Variants in DPP10 observed in about 807,000 individuals in gnomAD.
DPP10 encodes inactive dipeptidyl peptidase 10.
Under a neutral mutation model 120.9 loss-of-function variants are expected in DPP10, and 33 were observed. The observed-to-expected ratio is 0.27, with a 90% CI of 0.21 to 0.37. The LOEUF (loss-of-function observed/expected upper bound fraction) is 0.37. Ranked by LOEUF, DPP10 falls within the 10% of genes least tolerant of loss-of-function variation. DPP10 has a pLI of 1.00. For missense variants in DPP10, 816 were observed against 942.8 expected, an observed-to-expected ratio of 0.87 and a Z score of 1.76; for synonymous variants, 337 against 326.1, an observed-to-expected ratio of 1.03 and a Z score of -0.36.
rs11392457 is a variant in DPP10, at chr2:115,537,563, G to GTTT, written c.441+11606_441+11608dup. 8.6e-4 allele frequency among the ~76,000 whole-genome samples: 111 copies of GTTT among 128,540 alleles called. 2 individuals are homozygous for GTTT. Among genetic ancestry groups the GTTT allele is most frequent in the African/African-American group, 1.3e-3 (45 of 34,216 alleles). The allele number at this position is 128,540 out of a possible 152,430, so 84.3% of individuals were successfully genotyped here. On this transcript the variant is annotated intron_variant, in intron 5 of 25. Coordinates refer to ENST00000410059, the MANE Select transcript of DPP10 (RefSeq NM_020868.6). ...CTGACTTTACTTGAGACACATCACT[G>GTTT]TTTTTTTTTTTTTTTTTCTCATGGA...
intron 5 of DPP10, among the ~76,000 whole-genome samples, chr2:115,670,983 G>C (rs11676361): frequency 6.6e-6 from 1 of 151,982 alleles, no homozygotes; most frequent in Non-Finnish European, 1.5e-5. Flanking sequence ...GAGAAATAAA[G>C]AATATTCCTG....
At chr2:115,024,417 C>A (rs1268057535) in intron 1 of DPP10, among the ~76,000 whole-genome samples, 1 of 151,684 alleles carries the variant, frequency 6.6e-6, no homozygotes, top group Non-Finnish European at 1.5e-5. Flanking sequence ...TTAATGATTC[C>A]AATTTATCTC....
At chr2:115,144,697 G>A (rs1261286991) in intron 1 of DPP10, among the ~76,000 whole-genome samples, 1 of 149,340 alleles carries the variant, frequency 6.7e-6, no homozygotes, top group Non-Finnish European at 1.5e-5. Context: ...GATAGCATTA[G>A]GAGATATACC....
At chr2:115,814,588 C>A (rs1687015590) in intron 19 of DPP10, 1 of 380,232 alleles carries the variant, frequency 2.6e-6, no homozygotes, top group Non-Finnish European at 4.6e-6. Flanking sequence ...ATTCAGGGAA[C>A]TTTTCAATTA....
At chr2:115,329,454 T>G (rs1032605886) in intron 2 of DPP10, among the ~76,000 whole-genome samples, 1 of 152,066 alleles carries the variant, frequency 6.6e-6, no homozygotes. Context: ...ATTTTTTATT[T>G]TATTTAAGTT....
intron 1 of DPP10, among the ~76,000 whole-genome samples, chr2:115,246,611 C>T (rs1473592028): frequency 6.6e-6 from 1 of 152,006 alleles, no homozygotes. Flanking sequence ...AACAGATGAG[C>T]AGTGTGTCAA....
At chr2:115,304,422 C>G (rs1456490391) in intron 1 of DPP10, among the ~76,000 whole-genome samples, 1 of 151,926 alleles carries the variant, frequency 6.6e-6, no homozygotes, top group Non-Finnish European at 1.5e-5. Flanking sequence ...TCTTTTCACA[C>G]GGAAATACAG....
chr2:115,388,350 G>T (rs2067097135), intron 3 of DPP10, among the ~76,000 whole-genome samples: 1 of 152,296 alleles, frequency 6.6e-6, no homozygotes, highest in South Asian at 2.1e-4. Context: ...CTTAAATATA[G>T]GAGAATTAGA....
chr2:115,204,503 T>C (rs2055977835), intron 1 of DPP10, among the ~76,000 whole-genome samples: 1 of 152,122 alleles, frequency 6.6e-6, no homozygotes, highest in Admixed American at 6.6e-5. Flanking sequence ...TGCCAGCACT[T>C]TACAAAACAT....
chr2:115,457,299 A>G (rs2073640838), intron 3 of DPP10, among the ~76,000 whole-genome samples: 1 of 152,114 alleles, frequency 6.6e-6, no homozygotes, highest in South Asian at 2.1e-4. Context: ...CACTAACACT[A>G]TAAAACTTTT....
intron 3 of DPP10, among the ~76,000 whole-genome samples, chr2:115,469,900 G>GA (rs751350699): frequency 1.2e-4 from 11 of 89,038 alleles, no homozygotes; most frequent in African/African-American, 3.8e-4. Context: ...AAAAAAAAAA[G>GA]AAAAAAAAAA....
intron 1 of DPP10, among the ~76,000 whole-genome samples, chr2:115,064,167 A>G (rs1706653539): frequency 6.6e-6 from 1 of 151,504 alleles, no homozygotes; most frequent in East Asian, 1.9e-4. Context: ...TCTCTCCCTA[A>G]TGTTAAAGCC....
At chr2:115,096,965 C>T (rs2048430133) in intron 1 of DPP10, among the ~76,000 whole-genome samples, 1 of 152,056 alleles carries the variant, frequency 6.6e-6, no homozygotes, top group South Asian at 2.1e-4. Flanking sequence ...AAACTCATTT[C>T]CTTGGTACTG....
chr2:114,816,721 C>T (rs1685669126), intron 1 of DPP10, among the ~76,000 whole-genome samples: 2 of 152,086 alleles, frequency 1.3e-5, no homozygotes, highest in African/African-American at 4.8e-5. Context: ...GGTAGGTGCT[C>T]AATAAATGAT....
At chr2:114,479,327 T>C (rs926229075) in intron 1 of DPP10, among the ~76,000 whole-genome samples, 12 of 152,250 alleles carry the variant, frequency 7.9e-5, no homozygotes, top group South Asian at 6.2e-4. Context: ...GGAATCATTC[T>C]ACCTGTTTTA....
chr2:115,100,133 C>A (rs879908174), intron 1 of DPP10, among the ~76,000 whole-genome samples: 6 of 152,120 alleles, frequency 3.9e-5, no homozygotes, highest in Non-Finnish European at 8.8e-5. Context: ...AAGATGATGT[C>A]ATATGGGAGG....
intron 1 of DPP10, among the ~76,000 whole-genome samples, chr2:114,659,530 T>TC (rs1381852363): frequency 1.3e-5 from 2 of 152,110 alleles, no homozygotes; most frequent in African/African-American, 2.4e-5. Context: ...ATTTTTTTTT[T>TC]CCTCAGAGTT....
intron 5 of DPP10, among the ~76,000 whole-genome samples, chr2:115,630,098 T>A (rs1157996038): frequency 6.6e-6 from 1 of 152,172 alleles, no homozygotes; most frequent in African/African-American, 2.4e-5. Flanking sequence ...TGGTTTGTAG[T>A]TTTCCTTGAA....
At chr2:114,516,980 T>G (rs1684644382) in intron 1 of DPP10, among the ~76,000 whole-genome samples, 1 of 152,218 alleles carries the variant, frequency 6.6e-6, no homozygotes, top group East Asian at 1.9e-4. Flanking sequence ...CTTTGGTGGA[T>G]AACAGTTAAT....
Sources: allele counts gnomAD v4.1 joint callset (sites outside exome capture counted in the v4.1 genomes callset), GRCh38; gene constraint gnomAD v4.1.1; transcripts MANE v1.5; gene names NCBI Gene and HGNC (gene_info 2026-07-23, HGNC 2026-07-21).